Variants in BID observed in about 807,000 individuals in gnomAD.
BID encodes the protein BH3 interacting domain death agonist, also known as BH3-interacting domain death agonist.
A neutral mutation model predicts 17.4 loss-of-function variants in BID; 19 were observed. The ratio of observed to expected loss-of-function variants is 1.09; its 90% CI spans 0.76 to 1.60. The LOEUF is 1.60. BID is among the 40% of genes most tolerant of loss of function. The pLI is 0.00. For missense variants in BID, 226 were observed against 256.0 expected (o/e 0.88, Z 0.80); for synonymous variants, 108 against 102.8 (o/e 1.05, Z -0.31).
At chr22:17,760,761 A>C (rs2061632325) in intron 1 of BID, among the ~76,000 whole-genome samples, 1 of 152,186 alleles carries the variant, frequency 6.6e-6, no homozygotes, top group South Asian at 2.1e-4. Context: ...TCTATTAGTC[A>C]CTGGTGAAAG....
chr22:17,774,041 T>G, intron 1 of BID: 1 of 349,942 alleles, frequency 2.9e-6, no homozygotes, highest in South Asian at 3.0e-5. Flanking sequence ...CCTCGGCCCC[T>G]CCCCCTCCCC....
At chr22:17,750,294 G>T (rs2061528054) in intron 1 of BID, 120 bp from the exon 2 acceptor site, 6 of 805,486 alleles carry the variant, frequency 7.4e-6, no homozygotes, top group Non-Finnish European at 1.2e-5. Context: ...GTCCTGGCCT[G>T]AGCCCCGCAT....
chr22:17,758,052 C>T (rs1405271544), intron 1 of BID, among the ~76,000 whole-genome samples: 1 of 152,202 alleles, frequency 6.6e-6, no homozygotes, highest in Non-Finnish European at 1.5e-5. Flanking sequence ...AGTGACAGCA[C>T]CCGGCTCCAC....
At chr22:17,757,135 C>T (rs1482872490) in intron 1 of BID, among the ~76,000 whole-genome samples, 2 of 152,134 alleles carry the variant, frequency 1.3e-5, no homozygotes, top group Non-Finnish European at 2.9e-5. Context: ...CAGGCTTCGG[C>T]CGGGCACGCT....
chr22:17,751,048 A>T (rs2061534770), intron 1 of BID, among the ~76,000 whole-genome samples: 1 of 151,344 alleles, frequency 6.6e-6, no homozygotes, highest in East Asian at 2.0e-4. Flanking sequence ...AAAAAAAAAG[A>T]TCTGTGCGGC....
At chr22:17,770,280 T>A (rs907475636) in intron 1 of BID, among the ~76,000 whole-genome samples, 2 of 152,136 alleles carry the variant, frequency 1.3e-5, no homozygotes, top group Non-Finnish European at 2.9e-5. Flanking sequence ...ATGTCGGGCT[T>A]TGAACCTGCA....
chr22:17,740,668 C>T (rs2061453238), intron 3 of BID: 1 of 163,086 alleles, frequency 6.1e-6, no homozygotes, highest in Admixed American at 5.9e-5. Context: ...ACCTTGTGAT[C>T]CTCCTGCCTT....
At chr22:17,736,781 T>G (rs1381224503) in intron 5 of BID, among the ~76,000 whole-genome samples, 1 of 151,676 alleles carries the variant, frequency 6.6e-6, no homozygotes, top group Non-Finnish European at 1.5e-5. Flanking sequence ...CGGCGTGAAC[T>G]ACAGGCGTAC....
chr22:17,740,422 C>A, intron 3 of BID: 8 of 441,708 alleles, frequency 1.8e-5, no homozygotes, highest in Non-Finnish European at 3.2e-5. Flanking sequence ...GGCCCTGCCT[C>A]TACAAGAAAC....
Position 17,764,070 on chromosome 22 carries a change from T to C in BID, c.-59+10311A>G, listed in dbSNP as rs116402472. The C allele has an allele frequency of 6.2e-3, 960 of 153,986 alleles. 12 individuals are homozygous for C. The highest frequency in any genetic ancestry group is 0.022 in the African/African-American group (911 of 41,634). The allele number at this position is 153,986 out of a possible 1,614,324, so 9.5% of individuals were successfully genotyped here. A position where few individuals can be genotyped will look rare whatever the true frequency, so the allele number is the denominator to read the frequency against. ...GTTTGCTACTTGGGACAGTACAGCGTGCTGAAAGAAACCCAGCTACTGAGT... is the reference window on the plus strand; with the variant it reads ...GTTTGCTACTTGGGACAGTACAGCGCGCTGAAAGAAACCCAGCTACTGAGT... On this transcript the variant is annotated intron_variant, in intron 1 of 5. Coordinates refer to ENST00000622694, the MANE Select transcript of BID (RefSeq NM_001196.4).
In BID at chr22:17,769,362, G is replaced by C; in HGVS notation, c.-59+5019C>G. On this transcript the variant is annotated intron_variant, in intron 1 of 5. Coordinates refer to ENST00000622694, the MANE Select transcript of BID (RefSeq NM_001196.4). This position sits in a 1 kb window ranked among gnomAD's most constrained non-coding sequence, Gnocchi z 4.8. ...GGGTTTGGGGCTGGATGTCTGCAGG[G>C]GTCCTCAGGGATACCCAGAGGGAGA... 6.6e-6 allele frequency among the ~76,000 whole-genome samples: 1 copy of C among 152,252 alleles called. No individual in the cohort carries two copies. Among genetic ancestry groups the C allele is most frequent in the East Asian group, 1.9e-4 (1 of 5,188 alleles).
At chr22:17,765,252 G>C in intron 1 of BID, among the ~76,000 whole-genome samples, 1 of 152,050 alleles carries the variant, frequency 6.6e-6, no homozygotes, top group Admixed American at 6.5e-5. Context: ...TCACAACAAC[G>C]CCCCTGTGAG....
chr22:17,741,870 G>A (rs1036554467), intron 3 of BID, among the ~76,000 whole-genome samples: 1 of 152,072 alleles, frequency 6.6e-6, no homozygotes, highest in Non-Finnish European at 1.5e-5. Flanking sequence ...AACCCCCAAG[G>A]CCCAGCTCAA....
At chr22:17,740,164 T>C (rs746566337) in intron 3 of BID, 9 of 1,611,862 alleles carry the variant, frequency 5.6e-6, no homozygotes, top group Admixed American at 5.0e-5. Context: ...TGCTGTGTTA[T>C]TGTCTGACGC....
chr22:17,739,989 A>T (rs1414077787), intron 3 of BID: 1 of 1,336,600 alleles, frequency 7.5e-7, no homozygotes, highest in African/African-American at 1.5e-5. Context: ...GGCCCTGGAG[A>T]ATCTCCCCTG....
chr22:17,742,097 C>T (rs920812085), intron 3 of BID, among the ~76,000 whole-genome samples: 4 of 152,238 alleles, frequency 2.6e-5, no homozygotes, highest in Admixed American at 1.3e-4. Context: ...GCCGAGTGAA[C>T]GGACTCACCA....
In BID at chr22:17,757,402, C is replaced by CAAAAAA. The variant is rs34545330; in HGVS notation, c.-58-7234_-58-7229dup. On this transcript the variant is annotated intron_variant, in intron 1 of 5. Transcript: ENST00000622694. ...TGGGCAACAGAGCCTGACCCTGTCC[C>CAAAAAA]AAAAAAAAAAAAAAAAAAAAAAAAT... Among the ~76,000 whole-genome samples, 15 of 61,028 alleles carry CAAAAAA rather than the reference C, an allele frequency of 2.5e-4. 1 individual carries two copies. The highest frequency in any genetic ancestry group is 9.6e-4 in the African/African-American group (13 of 13,532). The allele number at this position is 61,028 out of a possible 152,430, so 40.0% of individuals were successfully genotyped here. A position where few individuals can be genotyped will look rare whatever the true frequency, so the allele number is the denominator to read the frequency against.
intron 1 of BID, among the ~76,000 whole-genome samples, chr22:17,761,003 T>A (rs932187487): frequency 1.3e-5 from 2 of 152,238 alleles, no homozygotes; most frequent in Non-Finnish European, 2.9e-5. Flanking sequence ...GAATAACATT[T>A]ACACATACAC....
At chr22:17,758,392 A>G (rs183669416) in intron 1 of BID, among the ~76,000 whole-genome samples, 59 of 152,350 alleles carry the variant, frequency 3.9e-4, no homozygotes, top group African/African-American at 1.2e-3. Flanking sequence ...AAAGGCACAG[A>G]CGCCAGTCCC....
Sources: gnomAD v4.1 joint callset for allele counts (sites outside exome capture counted in the v4.1 genomes callset) on GRCh38, gnomAD v4.1.1 for gene constraint, Gnocchi (gnomAD v3.1) non-coding constraint, MANE v1.5 for transcripts, NCBI Gene and HGNC (gene_info 2026-07-23, HGNC 2026-07-21) for gene names.